The following KBTBD11 variants were observed in gnomAD, a reference collection of about 807,000 sequenced individuals.
KBTBD11 encodes kelch repeat and BTB domain containing 11, also known as kelch repeat and BTB domain-containing protein 11.
For missense variants in KBTBD11, 1,390 were observed against 1,001.8 expected (o/e 1.39, Z -5.23); for synonymous variants, 747 against 499.0 (o/e 1.50, Z -6.63).
chr8:1,975,625 G>C (rs767858726), intron 1 of KBTBD11, among the ~76,000 whole-genome samples: 2 of 152,220 alleles, frequency 1.3e-5, no homozygotes, highest in African/African-American at 2.4e-5. Context: ...TCATTTCTCA[G>C]AACCTGTCTG....
chr8:2,004,402 T>A lies in KBTBD11; in HGVS notation c.*1338T>A, dbSNP rs116451704. The A allele has an allele frequency of 6.0e-6, 1 of 166,914 alleles. No homozygotes were observed. The highest frequency in any genetic ancestry group is 1.5e-5 in the Non-Finnish European group (1 of 68,130). 10.3% of individuals were successfully genotyped at this position (166,914 alleles called of 1,614,324 possible). ...TAGAGGCGAACATTTGAACTCCGAA[T>A]CCAACCCATTTTCTTACTGTAAGAG... is the stretch of plus-strand genomic sequence containing the variant. On this transcript the variant is annotated 3_prime_UTR_variant, in exon 2 of 2. Coordinates refer to ENST00000320248, the MANE Select transcript of KBTBD11 (RefSeq NM_014867.3).
At chr8:1,985,661 G>C (rs191415976) in intron 1 of KBTBD11, among the ~76,000 whole-genome samples, 1 of 152,248 alleles carries the variant, frequency 6.6e-6, no homozygotes, top group African/African-American at 2.4e-5. Flanking sequence ...AGAAAAACAC[G>C]AAATAAAAAT....
At position 2,001,856 on chromosome 8, in the gene KBTBD11, C is replaced by A; in HGVS notation, c.664C>A (p.Arg222Ser). 7.8e-7 allele frequency: 1 copy of A among 1,281,506 alleles called. No homozygotes were observed. The highest frequency in any genetic ancestry group is 9.9e-7 in the Non-Finnish European group (1 of 1,008,460). The allele number at this position is 1,281,506 out of a possible 1,614,324, so 79.4% of individuals were successfully genotyped here. ...CCTGCAGCTGCCCGGCGCCGCGCAG[C>A]GCGCCACCGACGCCGTGGGGCCGCA... ...RRLQLPGAAQ[R>S]ATDAVGPQLS... The change falls in exon 2 of 2, where the codon CGC becomes AGC. Residue 222 changes from arginine (R) to serine (S), a missense_variant. Transcript: ENST00000320248.
In KBTBD11 at chr8:1,997,526, G is replaced by A. The variant is rs117539160; in HGVS notation, c.-908-2759G>A. Among the ~76,000 whole-genome samples the A allele has an allele frequency of 6.0e-3, 914 of 152,312 alleles. 6 individuals carry two copies. Among genetic ancestry groups the A allele is most frequent in the Non-Finnish European group, 0.011 (750 of 68,032 alleles). Reference sequence around the variant, plus strand: ...CCACGTCCATTCTGCAGGGAGACCCGCGGCAGGGCAGGCACGTTCAGTGCT... The same window carrying A: ...CCACGTCCATTCTGCAGGGAGACCCACGGCAGGGCAGGCACGTTCAGTGCT... On this transcript the variant is annotated intron_variant, in intron 1 of 1. Coordinates refer to ENST00000320248, the MANE Select transcript of KBTBD11 (RefSeq NM_014867.3).
chr8:1,978,170 C>T (rs9650471), intron 1 of KBTBD11, among the ~76,000 whole-genome samples: 6,675 of 152,312 alleles, frequency 0.044, 184 homozygotes, highest in Middle Eastern at 0.092. Context: ...CTCTACAGGC[C>T]CCAGTGTGTG....
Position 2,003,898 on chromosome 8 carries a change from A to C in KBTBD11, c.*834A>C, listed in dbSNP as rs941706471. On this transcript the variant is annotated 3_prime_UTR_variant, in exon 2 of 2. Coordinates refer to ENST00000320248, the MANE Select transcript of KBTBD11 (RefSeq NM_014867.3). ...TACCAGGGTGCTTGTCTATCTAAAAAGCAATCTTTGATAGTCCACTCTGTA... is the reference window on the plus strand; with the variant it reads ...TACCAGGGTGCTTGTCTATCTAAAACGCAATCTTTGATAGTCCACTCTGTA... The C allele has an allele frequency of 6.0e-6, 1 of 167,116 alleles. No homozygotes were observed. 10.4% of individuals were successfully genotyped at this position (167,116 alleles called of 1,614,324 possible). A position where few individuals can be genotyped will look rare whatever the true frequency, so the allele number is the denominator to read the frequency against.
chr8:1,974,896 C>T, intron 1 of KBTBD11: 1 of 183,464 alleles, frequency 5.5e-6, no homozygotes, highest in Non-Finnish European at 1.0e-5. Context: ...CGAAAGGCGC[C>T]GCCGTCAGAT....
intron 1 of KBTBD11, among the ~76,000 whole-genome samples, chr8:1,978,210 C>T (rs1172819419): frequency 6.6e-6 from 1 of 152,216 alleles, no homozygotes. Flanking sequence ...CATGTGTTCT[C>T]ATCATTCAGC....
chr8:1,974,332 ACCGC>A, intron 1 of KBTBD11: 1 of 983,610 alleles, frequency 1.0e-6, no homozygotes, highest in Non-Finnish European at 1.2e-6. Flanking sequence ...GCCCGCAGTC[ACCGC>A]CCCCGCCGAG....
Position 2,002,221 on chromosome 8 carries a change from G to A in KBTBD11, c.1029G>A (p.Leu343=). Residue 343 remains leucine (L), a synonymous_variant, in exon 2 of 2, where the codon CTG becomes CTA. Coordinates refer to ENST00000320248, the MANE Select transcript of KBTBD11 (RefSeq NM_014867.3). The surrounding 1 kb of genome is among the most constrained non-coding windows in gnomAD (Gnocchi z 4.1). ...AAGEWRELTR[L]PEGAPARGCG... Reference sequence around the variant, plus strand: ...GAGAGTGGCGCGAGCTGACGCGGCTGCCCGAGGGCGCGCCGGCGCGGGGCT... The same window carrying A: ...GAGAGTGGCGCGAGCTGACGCGGCTACCCGAGGGCGCGCCGGCGCGGGGCT... 1.6e-6 allele frequency: 2 copies of A among 1,267,920 alleles called. No individual in the cohort carries two copies. Among genetic ancestry groups the A allele is most frequent in the Non-Finnish European group, 9.9e-7 (1 of 1,011,234 alleles). The allele number at this position is 1,267,920 out of a possible 1,614,324, so 78.5% of individuals were successfully genotyped here. A position where few individuals can be genotyped will look rare whatever the true frequency, so the allele number is the denominator to read the frequency against.
In KBTBD11 at chr8:1,986,500, CTCTT is replaced by C. The variant is rs547644491; in HGVS notation, c.-909+12567_-909+12570del. On this transcript the variant is annotated intron_variant, in intron 1 of 1. Transcript: ENST00000320248. ...CTTGTTTGTAATCTTGGACAAGTCT[CTCTT>C]TTATGAAACCAACAGCTCAGAACTT... Among the ~76,000 whole-genome samples the C allele has an allele frequency of 1.4e-4, 22 of 152,316 alleles. No individual in the cohort carries two copies. The South Asian group carries it at 4.3e-3, about 30-fold the overall frequency.
chr8:1,995,130 G>T (rs1018643654), intron 1 of KBTBD11, among the ~76,000 whole-genome samples: 1 of 150,568 alleles, frequency 6.6e-6, no homozygotes, highest in African/African-American at 2.4e-5. Context: ...ACACTCTAAT[G>T]CATGTTGCTA....
At chr8:1,974,558 G>A in intron 1 of KBTBD11, 1 of 985,254 alleles carries the variant, frequency 1.0e-6, no homozygotes, top group Non-Finnish European at 1.2e-6. Context: ...CCGGGGTGCG[G>A]GGGTGTCCTG....
intron 1 of KBTBD11, among the ~76,000 whole-genome samples, chr8:1,984,338 G>T (rs1394956615): frequency 7.0e-6 from 1 of 142,386 alleles, no homozygotes. Context: ...ACCCAGGCTG[G>T]AGTGCAGTGG....
chr8:1,979,108 A>C (rs1183197603), intron 1 of KBTBD11, among the ~76,000 whole-genome samples: 1 of 152,104 alleles, frequency 6.6e-6, no homozygotes. Flanking sequence ...GGGATTAGAG[A>C]GCAAGATTGA....
rs1429082899 is a variant in KBTBD11, at chr8:2,004,257, C to T, written c.*1193C>T. The T allele has an allele frequency of 1.2e-5, 2 of 166,954 alleles. No homozygotes were observed. Among genetic ancestry groups the T allele is most frequent in the Non-Finnish European group, 2.9e-5 (2 of 68,126 alleles). 10.3% of individuals were successfully genotyped at this position (166,954 alleles called of 1,614,324 possible). A position where few individuals can be genotyped will look rare whatever the true frequency, so the allele number is the denominator to read the frequency against. On this transcript the variant is annotated 3_prime_UTR_variant, in exon 2 of 2. Transcript: ENST00000320248. The stretch of plus-strand genomic sequence containing the variant: ...ATTAACACGAGGCTCACTGCATTGA[C>T]AGGGTATGAGGATTAAAAACAAATC...
rs987940751 is a variant in KBTBD11, at chr8:1,988,640, C to G, written c.-908-11645C>G. 3.3e-5 allele frequency among the ~76,000 whole-genome samples: 5 copies of G among 152,136 alleles called. No individual in the cohort carries two copies. The East Asian group carries it at 5.8e-4, about 18-fold the overall frequency. On this transcript the variant is annotated intron_variant, in intron 1 of 1. Transcript: ENST00000320248. ...GGATATTAGCCCCTCCTGGAGTCTT[C>G]TTGCTAGTCTCTTCAAGCCTTTGTC...
chr8:1,988,281 C>G (rs183605457), intron 1 of KBTBD11, among the ~76,000 whole-genome samples: 2 of 152,198 alleles, frequency 1.3e-5, no homozygotes, highest in Non-Finnish European at 2.9e-5. Context: ...GGTATTTCTA[C>G]TTCTAGATCC....
intron 1 of KBTBD11, chr8:1,976,390 A>G (rs1816345109): frequency 1.3e-5 from 2 of 152,238 alleles, no homozygotes; most frequent in African/African-American, 2.4e-5. Context: ...AACTTTAAGA[A>G]TAAATTAAAG....
Sources: gnomAD v4.1 joint callset for allele counts (sites outside exome capture counted in the v4.1 genomes callset) on GRCh38, gnomAD v4.1.1 for gene constraint, Gnocchi (gnomAD v3.1) non-coding constraint, MANE v1.5 for transcripts, NCBI Gene and HGNC (gene_info 2026-07-23, HGNC 2026-07-21) for gene names.